Variants in LRMDA observed in about 807,000 individuals in gnomAD.
LRMDA encodes the protein leucine rich melanocyte differentiation associated.
Under a neutral mutation model 29.8 loss-of-function variants are expected in LRMDA, and 18 were observed. The ratio of observed to expected loss-of-function variants is 0.60; its 90% CI spans 0.42 to 0.90. The LOEUF is 0.90. Ranked by LOEUF, LRMDA falls within the 40% of genes least tolerant of loss-of-function variation. The pLI, the probability that LRMDA is intolerant of heterozygous loss-of-function variation, is 0.00. For synonymous variants in LRMDA, 125 were observed against 109.4 expected, an observed-to-expected ratio of 1.14 and a Z score of -0.89; for missense variants, 273 against 273.9, an observed-to-expected ratio of 1.00 and a Z score of 0.02.
chr10:75,656,404 A>T (rs1027794940), intron 2 of LRMDA, among the ~76,000 whole-genome samples: 1 of 152,194 alleles, frequency 6.6e-6, no homozygotes, highest in Admixed American at 6.5e-5. Context: ...ATTCCATTCT[A>T]TGAATTACCT....
intron 6 of LRMDA, among the ~76,000 whole-genome samples, chr10:76,358,185 T>C (rs1841266099): frequency 1.3e-5 from 2 of 152,130 alleles, no homozygotes; most frequent in African/African-American, 4.8e-5. Flanking sequence ...CAATACTTGG[T>C]GGTAGTATTA....
At chr10:76,522,801 G>A (rs1843134484) in intron 6 of LRMDA, among the ~76,000 whole-genome samples, 2 of 152,166 alleles carry the variant, frequency 1.3e-5, no homozygotes, top group Non-Finnish European at 2.9e-5. Flanking sequence ...CCTGGGCAGG[G>A]ACAAGGATGG....
At chr10:76,007,031 T>TGTGTGTGTGCGC (rs1230411095) in intron 2 of LRMDA, among the ~76,000 whole-genome samples, 1 of 26,906 alleles carries the variant, frequency 3.7e-5, no homozygotes, top group African/African-American at 1.0e-4. Context: ...TGTGTGTGTG[T>TGTGTGTGTGCGC]GCGCGTGTGT....
At chr10:76,311,597 T>G (rs1440942149) in intron 5 of LRMDA, among the ~76,000 whole-genome samples, 1 of 152,222 alleles carries the variant, frequency 6.6e-6, no homozygotes, top group Non-Finnish European at 1.5e-5. Context: ...TTTCCCCCTT[T>G]AATACCATGT....
chr10:75,470,917 T>C (rs1307780389), intron 2 of LRMDA, among the ~76,000 whole-genome samples: 1 of 152,228 alleles, frequency 6.6e-6, no homozygotes, highest in Non-Finnish European at 1.5e-5. Context: ...TGGGAAGTCT[T>C]TGAAGCTTTG....
chr10:76,251,338 C>T (rs1045337992), intron 5 of LRMDA, among the ~76,000 whole-genome samples: 2 of 148,614 alleles, frequency 1.3e-5, no homozygotes, highest in Admixed American at 6.7e-5. Context: ...CTGCAAGCTC[C>T]GCTTCCCGGG....
At chr10:76,479,306 C>G (rs929699712) in intron 6 of LRMDA, among the ~76,000 whole-genome samples, 3 of 151,748 alleles carry the variant, frequency 2.0e-5, no homozygotes, top group African/African-American at 7.3e-5. Flanking sequence ...CAAGGGAGAG[C>G]GACTTTATTA....
At position 76,037,294 on chromosome 10, in the gene LRMDA, G is replaced by A. The variant is rs184888450; in HGVS notation, c.258+1160G>A. On this transcript the variant is annotated intron_variant, in intron 3 of 6. Transcript: ENST00000611255. ...TTGTTTTATTGGATGGAACATTTGA[G>A]ACCTGGAGTAGTTAAACCACTTGTT... 5.1e-3 allele frequency among the ~76,000 whole-genome samples: 775 copies of A among 152,316 alleles called. 6 individuals carry two copies. Among genetic ancestry groups the A allele is most frequent in the African/African-American group, 0.018 (749 of 41,564 alleles).
chr10:76,552,765 T>C (rs1843510879), intron 6 of LRMDA, among the ~76,000 whole-genome samples: 1 of 152,158 alleles, frequency 6.6e-6, no homozygotes, highest in African/African-American at 2.4e-5. Flanking sequence ...GAACTGCAGC[T>C]GGAAGTGTGA....
rs557131598 is a variant in LRMDA at position 76,118,698 on chromosome 10, C to T, written c.516+59915C>T. ...ACTCCCAAGCCCAGGGTACCAAGCC[C>T]TCTTATTCCCTTTTGCATTAAAAAC... On this transcript the variant is annotated intron_variant, in intron 5 of 6. Transcript: ENST00000611255. Among the ~76,000 whole-genome samples the T allele has an allele frequency of 3.1e-4, 47 of 152,246 alleles. 1 individual carries two copies. Among genetic ancestry groups the T allele is most frequent in the African/African-American group, 1.1e-3 (45 of 41,554 alleles).
intron 2 of LRMDA, among the ~76,000 whole-genome samples, chr10:75,776,367 C>A (rs927326420): frequency 6.6e-6 from 1 of 152,218 alleles, no homozygotes; most frequent in Admixed American, 6.5e-5. Flanking sequence ...GATCCACTCT[C>A]AGAAACCACT....
At chr10:75,549,822 A>T (rs940569441) in intron 2 of LRMDA, among the ~76,000 whole-genome samples, 1 of 152,140 alleles carries the variant, frequency 6.6e-6, no homozygotes, top group Non-Finnish European at 1.5e-5. Context: ...GGCTCATGGC[A>T]TGCACTGATG....
intron 2 of LRMDA, among the ~76,000 whole-genome samples, chr10:75,660,045 G>A (rs1841730752): frequency 6.6e-6 from 1 of 152,062 alleles, no homozygotes; most frequent in African/African-American, 2.4e-5. Context: ...AGGAATGTGT[G>A]TGTCTGGGTG....
At position 75,732,804 on chromosome 10, in the gene LRMDA, T is replaced by C. The variant is rs181086447; in HGVS notation, c.131+294310T>C. ...AGTTCTGGATACCCACAGTGGAACTTAGAAGGTGGAGGGCACACTGTGGCA... is the reference window on the plus strand; with the variant it reads ...AGTTCTGGATACCCACAGTGGAACTCAGAAGGTGGAGGGCACACTGTGGCA... On this transcript the variant is annotated intron_variant, in intron 2 of 6. Coordinates refer to ENST00000611255, the MANE Select transcript of LRMDA (RefSeq NM_001305581.2). Among the ~76,000 whole-genome samples the C allele has an allele frequency of 3.3e-3, 495 of 152,298 alleles. 9 individuals carry two copies. Among genetic ancestry groups the C allele is most frequent in the Admixed American group, 0.03 (463 of 15,304 alleles).
At chr10:76,199,791 T>C (rs1190469820) in intron 5 of LRMDA, among the ~76,000 whole-genome samples, 9 of 152,224 alleles carry the variant, frequency 5.9e-5, no homozygotes, top group Non-Finnish European at 1.2e-4. Context: ...GGAGTTTGGC[T>C]GAGAGAGTTT....
At chr10:75,725,314 A>G (rs1416036027) in intron 2 of LRMDA, among the ~76,000 whole-genome samples, 2 of 152,180 alleles carry the variant, frequency 1.3e-5, no homozygotes, top group African/African-American at 4.8e-5. Context: ...AATGGAGTTT[A>G]CAGGGTAATA....
At chr10:76,478,157 C>A (rs1032219497) in intron 6 of LRMDA, among the ~76,000 whole-genome samples, 12 of 152,030 alleles carry the variant, frequency 7.9e-5, no homozygotes, top group Admixed American at 5.9e-4. Flanking sequence ...ACTCATCTGA[C>A]AAAGGGCTAA....
intron 1 of LRMDA, among the ~76,000 whole-genome samples, chr10:75,434,048 A>C (rs1844237404): frequency 6.6e-6 from 1 of 152,098 alleles, no homozygotes; most frequent in Non-Finnish European, 1.5e-5. Flanking sequence ...CATGGGTCTG[A>C]CTTCATTTGG....
At chr10:76,492,624 C>G (rs980892360) in intron 6 of LRMDA, among the ~76,000 whole-genome samples, 1 of 152,014 alleles carries the variant, frequency 6.6e-6, no homozygotes, top group African/African-American at 2.4e-5. Flanking sequence ...CGTTTTCATA[C>G]TGCTATGAAG....
Sources: allele counts gnomAD v4.1 joint callset (sites outside exome capture counted in the v4.1 genomes callset), GRCh38; gene constraint gnomAD v4.1.1; transcripts MANE v1.5; gene names NCBI Gene and HGNC (gene_info 2026-07-23, HGNC 2026-07-21).